DUT: variants seen among roughly 807,000 people sequenced by gnomAD.
The protein encoded by DUT is deoxyuridine 5'-triphosphate nucleotidohydrolase, mitochondrial.
DUT carries 21 observed loss-of-function variants against 28.8 expected under a neutral mutation model. That is an observed-to-expected ratio of 0.73 (90% CI 0.52 to 1.05). The LOEUF (loss-of-function observed/expected upper bound fraction) is 1.05. DUT is among the 50% of genes least tolerant of loss of function. The probability of loss-of-function intolerance (pLI) is 0.00; values close to 1 mark genes in which losing one functional copy is unlikely to be tolerated. For missense variants in DUT, 344 were observed against 351.8 expected (o/e 0.98, Z 0.18); for synonymous variants, 147 against 143.7 (o/e 1.02, Z -0.17).
At chr15:48,339,666 G>A (rs1048996967) in intron 4 of DUT, among the ~76,000 whole-genome samples, 1 of 152,110 alleles carries the variant, frequency 6.6e-6, no homozygotes, top group African/African-American at 2.4e-5. Context: ...GTTTGGTATT[G>A]GAATTGGTCA....
At chr15:48,341,387 A>G (rs370738147) in intron 5 of DUT, 24 bp downstream of exon 5, 95 of 1,579,940 alleles carry the variant, frequency 6.0e-5, no homozygotes, top group Non-Finnish European at 7.4e-5. Context: ...ATACATTCAC[A>G]TAATTTTAGT....
rs2042544953 is a variant in DUT, at chr15:48,342,180, TTAC to T, written c.*105_*107del. 1 of 667,156 alleles carries T rather than the reference TTAC, an allele frequency of 1.5e-6. No homozygotes were observed. The highest frequency in any genetic ancestry group is 2.3e-6 in the Non-Finnish European group (1 of 430,992). 41.3% of individuals were successfully genotyped at this position (667,156 alleles called of 1,614,324 possible). On this transcript the variant is annotated 3_prime_UTR_variant, in exon 7 of 7. Coordinates refer to ENST00000331200, the MANE Select transcript of DUT (RefSeq NM_001025248.2). ...TTTGGTGTTTTGCACTTCTGTAAACTTACTAGCTTTACCTTCTAAAAGTACTGC... is the reference window on the plus strand; with the variant it reads ...TTTGGTGTTTTGCACTTCTGTAAACTTAGCTTTACCTTCTAAAAGTACTGC...
intron 6 of DUT, 46 bp downstream of exon 6, chr15:48,341,631 A>T: frequency 1.4e-6 from 2 of 1,425,968 alleles, no homozygotes; most frequent in Non-Finnish European, 9.8e-7. Flanking sequence ...ATAACATCTT[A>T]AGTGAAGAAA....
chr15:48,341,471 G>C, intron 5 of DUT, 44 bp from the exon 6 acceptor site: 1 of 1,586,776 alleles, frequency 6.3e-7, no homozygotes, highest in South Asian at 1.1e-5. Context: ...AGGATATGGC[G>C]AATGTGTCAG....
In DUT at chr15:48,342,101, CAAG is replaced by C; in HGVS notation, c.*27_*29del. On this transcript the variant is annotated 3_prime_UTR_variant, in exon 7 of 7. Transcript: ENST00000331200. ...TAAAATTTATGCCAAGAACAGAAAA[CAAG>C]AAGTCATACCTTTTTCTTAAAAAAA... 7.0e-7 allele frequency: 1 copy of C among 1,418,866 alleles called. No individual in the cohort carries two copies. Among genetic ancestry groups the C allele is most frequent in the Non-Finnish European group, 9.5e-7 (1 of 1,058,172 alleles). 87.9% of individuals were successfully genotyped at this position (1,418,866 alleles called of 1,614,324 possible).
At position 48,341,540 on chromosome 15, in the gene DUT, G is replaced by A; in HGVS notation, c.657G>A (p.Gln219=). The change falls in exon 6 of 7, where the codon CAG becomes CAA. Residue 219 remains glutamine, a synonymous_variant. Coordinates refer to ENST00000331200, the MANE Select transcript of DUT (RefSeq NM_001025248.2). Reference sequence around the variant, plus strand: ...TCAAAAAAGGTGATCGAATTGCACAGCTCATTTGCGAACGGATTTTTTATC... The same window carrying A: ...TCAAAAAAGGTGATCGAATTGCACAACTCATTTGCGAACGGATTTTTTATC... ...FEVKKGDRIA[Q]LICERIFYPE... The A allele has an allele frequency of 6.2e-7, 1 of 1,613,080 alleles. No homozygotes were observed. The highest frequency in any genetic ancestry group is 8.5e-7 in the Non-Finnish European group (1 of 1,179,452).
In DUT at chr15:48,331,768, G is replaced by A; in HGVS notation, c.253G>A (p.Ala85Thr). 3 of 1,393,400 alleles carry A rather than the reference G, an allele frequency of 2.2e-6. No homozygotes were observed. The highest frequency in any genetic ancestry group is 1.5e-5 in the African/African-American group (1 of 65,862). The allele number at this position is 1,393,400 out of a possible 1,614,324, so 86.3% of individuals were successfully genotyped here. ...AAGWKGELPK[A>T]GGSPAPGPET... ...TGGCTGGAAGGGCGAGCTTCCTAAG[G>A]CGGGGGGAAGCCCGGCGCCGGGGCC... is the stretch of plus-strand genomic sequence containing the variant. The change falls in exon 1 of 7, where the codon GCG (alanine) becomes ACG (threonine). Residue 85 changes from alanine (A) to threonine (T), a missense_variant. By Grantham distance (58) the Ala-to-Thr change is moderately conservative. Transcript: ENST00000331200.
chr15:48,331,188 C>G, upstream of DUT: 1 of 1,518,986 alleles, frequency 6.6e-7, no homozygotes. Context: ...CGGTGCCGCC[C>G]CAGGTAAATC....
intron 4 of DUT, among the ~76,000 whole-genome samples, chr15:48,339,373 A>G (rs1056127114): frequency 2.6e-5 from 4 of 152,174 alleles, no homozygotes; most frequent in Non-Finnish European, 5.9e-5. Flanking sequence ...AAGTCAGTCC[A>G]TGTCTTTCTC....
chr15:48,340,361 T>C (rs1248657125), intron 4 of DUT: 1 of 152,148 alleles, frequency 6.6e-6, no homozygotes, highest in Non-Finnish European at 1.5e-5. Flanking sequence ...TATAATTGAC[T>C]GTGACGATAG....
chr15:48,341,806 G>T (rs1014422642), intron 6 of DUT: 5 of 568,016 alleles, frequency 8.8e-6, no homozygotes, highest in African/African-American at 2.0e-5. Flanking sequence ...TAAACATACT[G>T]TGAACTTCTA....
In DUT at chr15:48,338,964, TTCTC is replaced by T. The variant is rs1295176600; in HGVS notation, c.557-2321_557-2318del. ...CTTATTTGAGCAACATAGGGATACT[TTCTC>T]TCTACAAGAAATACAAAAATTAGCC... On this transcript the variant is annotated intron_variant, in intron 4 of 6. Coordinates refer to ENST00000331200, the MANE Select transcript of DUT (RefSeq NM_001025248.2). Among the ~76,000 whole-genome samples, 4 of 152,232 alleles carry T rather than the reference TTCTC, an allele frequency of 2.6e-5. No homozygotes were observed. In the East Asian group the frequency reaches 7.7e-4, roughly 29 times the overall value.
In DUT at chr15:48,342,809, C is replaced by G. The variant is rs138529938; in HGVS notation, c.*731C>G. On this transcript the variant is annotated 3_prime_UTR_variant, in exon 7 of 7. Coordinates refer to ENST00000331200, the MANE Select transcript of DUT (RefSeq NM_001025248.2). Reference sequence around the variant, plus strand: ...AGGCAAATTGTACTAGTTGTAGTTACGAGTTTTCCCTCAGTGAAGTAGCAA... The same window carrying G: ...AGGCAAATTGTACTAGTTGTAGTTAGGAGTTTTCCCTCAGTGAAGTAGCAA... 2 of 152,094 alleles carry G rather than the reference C, an allele frequency of 1.3e-5. No homozygotes were observed. The highest frequency in any genetic ancestry group is 1.5e-5 in the Non-Finnish European group (1 of 68,012). The allele number at this position is 152,094 out of a possible 1,614,324, so 9.4% of individuals were successfully genotyped here.
At chr15:48,339,079 A>G (rs1172919809) in intron 4 of DUT, among the ~76,000 whole-genome samples, 1 of 152,132 alleles carries the variant, frequency 6.6e-6, no homozygotes, top group East Asian at 1.9e-4. Flanking sequence ...TCATACCACT[A>G]TACTCCTGCC....
chr15:48,339,946 T>A (rs944163716), intron 4 of DUT, among the ~76,000 whole-genome samples: 3 of 152,044 alleles, frequency 2.0e-5, no homozygotes, highest in Non-Finnish European at 4.4e-5. Context: ...TTTGCTTTTT[T>A]CCCCCCATTA....
In DUT at chr15:48,342,282, G is replaced by A. The variant is rs879263317; in HGVS notation, c.*204G>A. ...ACAAAGAAGTTTTTCTTTGTGTTTG[G>A]ATCAAAAAGAAACTTTGTTTTTCCG... On this transcript the variant is annotated 3_prime_UTR_variant, in exon 7 of 7. Coordinates refer to ENST00000331200, the MANE Select transcript of DUT (RefSeq NM_001025248.2). 5.9e-6 allele frequency: 2 copies of A among 338,848 alleles called. No homozygotes were observed. The highest frequency in any genetic ancestry group is 1.0e-5 in the Non-Finnish European group (2 of 190,626). The allele number at this position is 338,848 out of a possible 1,614,324, so 21.0% of individuals were successfully genotyped here. A position where few individuals can be genotyped will look rare whatever the true frequency, so the allele number is the denominator to read the frequency against.
At chr15:48,334,982 T>C (rs1214546185) in intron 3 of DUT, among the ~76,000 whole-genome samples, 4 of 152,174 alleles carry the variant, frequency 2.6e-5, no homozygotes, top group Non-Finnish European at 5.9e-5. Flanking sequence ...TGCAAGAGCG[T>C]AAGTTCTTTT....
chr15:48,331,498 G>A lies in DUT; in HGVS notation c.-18G>A, dbSNP rs776436489. The A allele has an allele frequency of 1.2e-6, 2 of 1,611,278 alleles. No homozygotes were observed. The highest frequency in any genetic ancestry group is 4.5e-5 in the East Asian group (2 of 44,762). ...TCCGGAGGTGCCGAGGACCCAACCA[G>A]CCCAAACTCTGGGGGAAATGACTCC... is the stretch of plus-strand genomic sequence containing the variant. On this transcript the variant is annotated 5_prime_UTR_variant, in exon 1 of 7. Coordinates refer to ENST00000331200, the MANE Select transcript of DUT (RefSeq NM_001025248.2).
upstream of DUT, chr15:48,331,317 C>T (rs2042403821): frequency 6.2e-6 from 9 of 1,442,008 alleles, no homozygotes; most frequent in Middle Eastern, 3.8e-4. Context: ...ACTCAAGACG[C>T]CAACGGCGCC....
Sources: gnomAD v4.1 joint callset for allele counts (sites outside exome capture counted in the v4.1 genomes callset) on GRCh38, gnomAD v4.1.1 for gene constraint, MANE v1.5 for transcripts, NCBI Gene and HGNC (gene_info 2026-07-23, HGNC 2026-07-21) for gene names.